The following GFPT1 variants were observed in gnomAD, a reference collection of about 807,000 sequenced individuals.
GFPT1 encodes the protein glutamine--fructose-6-phosphate transaminase 1.
In GFPT1, 40 loss-of-function variants were observed where a neutral mutation model predicts 92.0. That is an observed-to-expected ratio of 0.43 (90% CI 0.34 to 0.57). The LOEUF is 0.57. GFPT1 is among the 20% of genes least tolerant of loss of function. The pLI is 0.02. For synonymous variants in GFPT1, 269 were observed against 280.6 expected, an observed-to-expected ratio of 0.96 and a Z score of 0.41; for missense variants, 448 against 869.1, an observed-to-expected ratio of 0.52 and a Z score of 6.09.
rs1670617514 is a variant in GFPT1 at position 69,329,781 on chromosome 2, A to G, written c.1500T>C (p.Phe500=). ...TAAGGGCAAACATCACAAGGGATACAAACTGGCTGGTATAAGCCTGAAACA... is the reference window on the plus strand; with the variant it reads ...TAAGGGCAAACATCACAAGGGATACGAACTGGCTGGTATAAGCCTGAAACA... ...VASTKAYTSQ[F]VSLVMFALMM... Residue 500 remains phenylalanine (F), a synonymous_variant, in exon 16 of 20, where the codon TTT becomes TTC. Coordinates refer to ENST00000357308, the MANE Select transcript of GFPT1 (RefSeq NM_001244710.2). 2 of 1,602,934 alleles carry G rather than the reference A, an allele frequency of 1.2e-6. No homozygotes were observed. The highest frequency in any genetic ancestry group is 2.7e-5 in the African/African-American group (2 of 74,730).
chr2:69,369,341 C>T (rs1009913169), intron 3 of GFPT1, among the ~76,000 whole-genome samples: 11 of 152,012 alleles, frequency 7.2e-5, no homozygotes, highest in African/African-American at 1.7e-4. Flanking sequence ...AAAATACTTG[C>T]GGTTTCCTGG....
intron 10 of GFPT1, 71 bp downstream of exon 10, chr2:69,350,007 T>C: frequency 9.9e-7 from 1 of 1,010,120 alleles, no homozygotes; most frequent in Middle Eastern, 2.0e-4. Context: ...TGATACACAA[T>C]GACTTCTTGG....
chr2:69,361,723 A>T (rs796567059), intron 4 of GFPT1, among the ~76,000 whole-genome samples: 1 of 152,200 alleles, frequency 6.6e-6, no homozygotes, highest in South Asian at 2.1e-4. Context: ...TCATGCCTGT[A>T]ATCTCAGCAC....
intron 18 of GFPT1, among the ~76,000 whole-genome samples, 177 bp downstream of exon 18, chr2:69,328,094 C>CAAAA (rs1175703265): frequency 1.2e-5 from 1 of 82,748 alleles, no homozygotes; most frequent in Admixed American, 1.3e-4. Context: ...GACTCCATCT[C>CAAAA]AAAAAAAAAA....
chr2:69,380,693 T>C (rs1006167032), intron 1 of GFPT1, among the ~76,000 whole-genome samples: 1 of 152,216 alleles, frequency 6.6e-6, no homozygotes, highest in African/African-American at 2.4e-5. Context: ...TTTTTCATCA[T>C]ACTGCCAAGT....
At chr2:69,358,609 C>A in intron 5 of GFPT1, 146 bp from the exon 6 acceptor site, 1 of 661,766 alleles carries the variant, frequency 1.5e-6, no homozygotes, top group Non-Finnish European at 2.6e-6. Context: ...AAGTCACCAG[C>A]TGATCAGTGA....
chr2:69,354,375 C>G, intron 8 of GFPT1, 63 bp from the exon 9 acceptor site: 1 of 1,402,170 alleles, frequency 7.1e-7, no homozygotes, highest in Non-Finnish European at 1.0e-6. Flanking sequence ...AAATCTTTTT[C>G]ATGTCTAGAC....
intron 7 of GFPT1, among the ~76,000 whole-genome samples, chr2:69,354,811 G>C (rs1227918109): frequency 6.6e-6 from 1 of 152,138 alleles, no homozygotes; most frequent in Non-Finnish European, 1.5e-5. Context: ...GAGCCCACGA[G>C]TTCAAGACCA....
Position 69,378,591 on chromosome 2 carries a change from C to T in GFPT1, c.8-4478G>A, listed in dbSNP as rs966337001. Among the ~76,000 whole-genome samples the T allele has an allele frequency of 3.3e-5, 5 of 152,184 alleles. 1 individual carries two copies. Among genetic ancestry groups the T allele is most frequent in the African/African-American group, 1.2e-4 (5 of 41,446 alleles). ...CAAAAAAGCAATTATGAGCACCTTG[C>T]TAACAAAATTTCAGAAGCAATCTGG... On this transcript the variant is annotated intron_variant, in intron 1 of 19. Coordinates refer to ENST00000357308, the MANE Select transcript of GFPT1 (RefSeq NM_001244710.2).
intron 3 of GFPT1, 103 bp from the exon 4 acceptor site, chr2:69,363,773 T>C: frequency 1.2e-6 from 1 of 841,020 alleles, no homozygotes; most frequent in Non-Finnish European, 2.0e-6. Context: ...TCTCTTGGAA[T>C]ATACAATCAC....
At chr2:69,340,049 C>T (rs1358203546) in intron 13 of GFPT1, among the ~76,000 whole-genome samples, 1 of 150,912 alleles carries the variant, frequency 6.6e-6, no homozygotes, top group Admixed American at 6.6e-5. Flanking sequence ...AATCTGGAGG[C>T]TTACCAGATA....
At chr2:69,348,829 T>C (rs932470717) in intron 10 of GFPT1, among the ~76,000 whole-genome samples, 1 of 152,130 alleles carries the variant, frequency 6.6e-6, no homozygotes, top group African/African-American at 2.4e-5. Context: ...AACAAACCAT[T>C]TGACAGTTTC....
chr2:69,326,954 T>C lies in GFPT1; in HGVS notation c.2015A>G (p.Gln672Arg). The C allele has an allele frequency of 6.2e-7, 1 of 1,614,198 alleles. No homozygotes were observed. Among genetic ancestry groups the C allele is most frequent in the Non-Finnish European group, 8.5e-7 (1 of 1,180,020 alleles). The change falls in exon 19 of 20, where the codon CAG (glutamine) becomes CGG (arginine). Residue 672 changes from glutamine to arginine, a missense_variant. Gln to Arg is a conservative substitution (Grantham distance 43). Coordinates refer to ENST00000357308, the MANE Select transcript of GFPT1 (RefSeq NM_001244710.2). ...CACAGCAAGGTGGAAAGCCAGCAAC[T>C]GTAAAGGGATCACGCTGAGAATGCC... ...LQGILSVIPL[Q>R]LLAFHLAVLR...
In GFPT1 at chr2:69,328,356, T is replaced by C; in HGVS notation, c.1808A>G (p.Lys603Arg). The C allele has an allele frequency of 6.2e-7, 1 of 1,613,270 alleles. No homozygotes were observed. The highest frequency in any genetic ancestry group is 1.1e-5 in the South Asian group (1 of 91,056). ...GATGATCATGATCACAGGCATCAAT[T>C]TATCCACCAAAGCCAGAGGGCCATG... ...LKHGPLALVDKLMPVIMIIMR... is the reference protein window; with the variant it reads ...LKHGPLALVDRLMPVIMIIMR... The change falls in exon 18 of 20, where the codon AAA becomes AGA. Residue 603 changes from lysine (K) to arginine (R), a missense_variant. Physicochemically the swap from Lys to Arg is conservative, Grantham distance 26. This residue lies in a region of GFPT1 where 5 missense variants were observed against 46.8 expected (regional missense o/e 0.11). Transcript: ENST00000357308.
In GFPT1 at chr2:69,324,991, C is replaced by T. The variant is rs970939178; in HGVS notation, c.*1198G>A. 2 of 152,110 alleles carry T rather than the reference C, an allele frequency of 1.3e-5. No homozygotes were observed. Among genetic ancestry groups the T allele is most frequent in the Non-Finnish European group, 2.9e-5 (2 of 68,012 alleles). 9.4% of individuals were successfully genotyped at this position (152,110 alleles called of 1,614,324 possible). ...ATCTTCTTTATTCCTAAATATATTTCAGGGGTAGAGCACAGAAAATACAGA... is the reference window on the plus strand; with the variant it reads ...ATCTTCTTTATTCCTAAATATATTTTAGGGGTAGAGCACAGAAAATACAGA... On this transcript the variant is annotated 3_prime_UTR_variant, in exon 20 of 20. Transcript: ENST00000357308.
At chr2:69,373,865 A>G (rs1671809155) in intron 2 of GFPT1, 141 bp downstream of exon 2, 1 of 532,376 alleles carries the variant, frequency 1.9e-6, no homozygotes, top group African/African-American at 1.9e-5. Context: ...AAATCCTTTA[A>G]ATATGATAAA....
rs557016820 is a variant in GFPT1, at chr2:69,332,488, G to A, written c.1483-2690C>T. 6.6e-5 allele frequency among the ~76,000 whole-genome samples: 10 copies of A among 150,848 alleles called. 1 individual carries two copies. The South Asian group carries it at 1.5e-3, about 22-fold the overall frequency. ...GCCACCATGCCCGGCTAATTTTCTC[G>A]TGTTTTTTTAGTAGAGACGGGGTTT... On this transcript the variant is annotated intron_variant, in intron 15 of 19. Coordinates refer to ENST00000357308, the MANE Select transcript of GFPT1 (RefSeq NM_001244710.2).
intron 12 of GFPT1, among the ~76,000 whole-genome samples, chr2:69,344,732 C>T (rs1258454522): frequency 6.6e-6 from 1 of 151,634 alleles, no homozygotes; most frequent in Non-Finnish European, 1.5e-5. Flanking sequence ...CAGCCTCGAT[C>T]TACAGGGCTC....
chr2:69,326,108 AT>A lies in GFPT1; in HGVS notation c.*80del. 1.1e-6 allele frequency: 1 copy of A among 900,994 alleles called. No homozygotes were observed. The highest frequency in any genetic ancestry group is 1.8e-6 in the Non-Finnish European group (1 of 552,588). The allele number at this position is 900,994 out of a possible 1,614,324, so 55.8% of individuals were successfully genotyped here. A position where few individuals can be genotyped will look rare whatever the true frequency, so the allele number is the denominator to read the frequency against. On this transcript the variant is annotated 3_prime_UTR_variant, in exon 20 of 20. Transcript: ENST00000357308. Reference sequence around the variant, plus strand: ...CTAAAAAAAGGCTTCAAGGGGTGATATTTTAAATCAAGGTTTTAAATACAAA... The same window carrying A: ...CTAAAAAAAGGCTTCAAGGGGTGATATTTAAATCAAGGTTTTAAATACAAA...
Sources: allele counts gnomAD v4.1 joint callset (sites outside exome capture counted in the v4.1 genomes callset), GRCh38; gene constraint gnomAD v4.1.1; regional missense constraint gnomAD v4.1.1; transcripts MANE v1.5; gene names NCBI Gene and HGNC (gene_info 2026-07-23, HGNC 2026-07-21).